Variants in TENM2 observed in about 807,000 individuals in gnomAD.
TENM2 encodes the protein teneurin-2.
Under a neutral mutation model 245.2 loss-of-function variants are expected in TENM2, and 52 were observed. The ratio of observed to expected loss-of-function variants is 0.21; its 90% CI spans 0.17 to 0.27. TENM2 has a LOEUF of 0.27. TENM2 is among the 10% of genes least tolerant of loss of function. TENM2 has a pLI of 1.00. For missense variants in TENM2, 3,046 were observed against 3,666.8 expected (o/e 0.83, Z 4.37); for synonymous variants, 1,363 against 1,438.9 (o/e 0.95, Z 1.19).
intron 2 of TENM2, among the ~76,000 whole-genome samples, chr5:167,668,835 T>TGTTGG (rs1755745016): frequency 6.6e-6 from 1 of 152,086 alleles, no homozygotes; most frequent in Non-Finnish European, 1.5e-5. Context: ...ACCCCTGTAG[T>TGTTGG]CCCAGCTACT....
intron 5 of TENM2, among the ~76,000 whole-genome samples, chr5:167,996,157 C>T (rs562233768): frequency 1.3e-4 from 20 of 152,288 alleles, no homozygotes; most frequent in African/African-American, 3.4e-4. Flanking sequence ...GGACATTGCT[C>T]GGCCCCCTGA....
At position 167,531,552 on chromosome 5, in the gene TENM2, A is replaced by G. The variant is rs531911433; in HGVS notation, c.502+156079A>G. Among the ~76,000 whole-genome samples the G allele has an allele frequency of 3.3e-5, 5 of 151,872 alleles. No homozygotes were observed. In the East Asian group the frequency reaches 7.8e-4, roughly 24 times the overall value. ...AAATATACTATGCTTTTTGTTAACT[A>G]CAGTTACCGTGCTGTACAATATATT... On this transcript the variant is annotated intron_variant, in intron 2 of 28. Coordinates refer to ENST00000518659, the Ensembl canonical transcript of TENM2.
At chr5:167,275,851 T>C in the TENM2 span, among the ~76,000 whole-genome samples, 1 of 152,178 alleles carries the variant, frequency 6.6e-6, no homozygotes, top group South Asian at 2.1e-4. Flanking sequence ...GCTTCTTACT[T>C]TCCTTTCTTG....
At chr5:168,231,777 A>C (rs35466214) in intron 25 of TENM2, among the ~76,000 whole-genome samples, 4,857 of 151,242 alleles carry the variant, frequency 0.032, 228 homozygotes, top group African/African-American at 0.11. Context: ...CAACAACAAC[A>C]ACCAAAAAAA....
At chr5:168,047,384 T>C (rs1788698407) in intron 5 of TENM2, 43 bp from the exon 8 acceptor site, 2 of 1,551,114 alleles carry the variant, frequency 1.3e-6, no homozygotes, top group Non-Finnish European at 8.7e-7. Flanking sequence ...TTTGCATTGC[T>C]GAATTATCTA....
rs560728186 is a variant in TENM2, at chr5:168,185,821, T to C, written c.2570-4516T>C. Among the ~76,000 whole-genome samples the C allele has an allele frequency of 5.4e-4, 61 of 112,886 alleles. No homozygotes were observed. The South Asian group carries it at 0.01, about 19-fold the overall frequency. The allele number at this position is 112,886 out of a possible 152,430, so 74.1% of individuals were successfully genotyped here. A position where few individuals can be genotyped will look rare whatever the true frequency, so the allele number is the denominator to read the frequency against. ...AGGGAATATTAATTTCATTTACTTT[T>C]GCATCTTTTTTTTTAAAATGAAAAA... On this transcript the variant is annotated intron_variant, in intron 13 of 28. Transcript: ENST00000518659.
intron 2 of TENM2, among the ~76,000 whole-genome samples, chr5:167,380,231 A>G (rs1323869941): frequency 1.3e-5 from 2 of 152,128 alleles, no homozygotes; most frequent in Non-Finnish European, 2.9e-5. Flanking sequence ...AAGTTTATTC[A>G]TGGGAGTCTT....
At chr5:167,135,573 G>A in the TENM2 span, among the ~76,000 whole-genome samples, 3 of 152,044 alleles carry the variant, frequency 2.0e-5, no homozygotes, top group Admixed American at 1.3e-4. Flanking sequence ...TCAGGAGATC[G>A]AGACCATCCT....
intron 2 of TENM2, among the ~76,000 whole-genome samples, chr5:167,739,043 A>G (rs1040610271): frequency 6.6e-6 from 1 of 152,218 alleles, no homozygotes; most frequent in Admixed American, 6.5e-5. Context: ...ATTAAAGTGG[A>G]TAAACTAGAG....
intron 20 of TENM2, chr5:168,214,759 T>A (rs1763045127): frequency 1.9e-6 from 1 of 524,020 alleles, no homozygotes; most frequent in Non-Finnish European, 3.7e-6. Context: ...AAAAACAGGA[T>A]CGGAGTGGGA....
chr5:167,719,223 T>C (rs1759461644), intron 2 of TENM2, among the ~76,000 whole-genome samples: 1 of 152,208 alleles, frequency 6.6e-6, no homozygotes, highest in African/African-American at 2.4e-5. Context: ...ACTTACGAGC[T>C]AAATTTCAGG....
At chr5:168,157,689 G>T (rs1474710235) in intron 12 of TENM2, among the ~76,000 whole-genome samples, 1 of 152,150 alleles carries the variant, frequency 6.6e-6, no homozygotes, top group African/African-American at 2.4e-5. Flanking sequence ...TGGGCAATGG[G>T]GTAGATACCT....
At chr5:168,018,111 G>A (rs1195987424) in intron 5 of TENM2, among the ~76,000 whole-genome samples, 2 of 152,050 alleles carry the variant, frequency 1.3e-5, no homozygotes, top group Non-Finnish European at 2.9e-5. Context: ...GTTGGTTGTG[G>A]GGTTCATAGG....
the TENM2 span, among the ~76,000 whole-genome samples, chr5:167,057,122 C>T: frequency 6.6e-6 from 1 of 152,088 alleles, no homozygotes; most frequent in South Asian, 2.1e-4. Flanking sequence ...TACTAATGGG[C>T]CAGTTAATAG....
At chr5:167,257,306 T>C in the TENM2 span, among the ~76,000 whole-genome samples, 2 of 152,176 alleles carry the variant, frequency 1.3e-5, no homozygotes, top group South Asian at 4.1e-4. Context: ...TAAATATGAT[T>C]GTATTCCATT....
At chr5:167,309,145 G>C (rs1755864538) in intron 1 of TENM2, among the ~76,000 whole-genome samples, 1 of 152,034 alleles carries the variant, frequency 6.6e-6, no homozygotes, top group African/African-American at 2.4e-5. Flanking sequence ...GTCTTCTCTA[G>C]GAAGTCTCCT....
At chr5:167,464,614 A>G (rs115229045) in intron 2 of TENM2, among the ~76,000 whole-genome samples, 152 of 152,338 alleles carry the variant, frequency 1.0e-3, no homozygotes, top group Non-Finnish European at 1.7e-3. Context: ...TTTCATTATA[A>G]CATTAAGGGT....
the TENM2 span, among the ~76,000 whole-genome samples, chr5:167,227,648 T>G: frequency 6.6e-6 from 1 of 152,208 alleles, no homozygotes; most frequent in Non-Finnish European, 1.5e-5. Flanking sequence ...GGCGTTTCTT[T>G]ATAGGTGAAG....
chr5:167,551,647 C>T (rs1245609640), intron 2 of TENM2, among the ~76,000 whole-genome samples: 1 of 151,976 alleles, frequency 6.6e-6, no homozygotes, highest in African/African-American at 2.4e-5. Flanking sequence ...CAAAAATAAA[C>T]CCATAAAATA....
Sources: allele counts gnomAD v4.1 joint callset (sites outside exome capture counted in the v4.1 genomes callset), GRCh38; gene constraint gnomAD v4.1.1; transcripts MANE v1.5; gene names NCBI Gene and HGNC (gene_info 2026-07-23, HGNC 2026-07-21).